FTO: variants seen among roughly 807,000 people sequenced by gnomAD.
FTO encodes alpha-ketoglutarate-dependent dioxygenase FTO.
FTO carries 47 observed loss-of-function variants against 63.9 expected under a neutral mutation model. That is an observed-to-expected ratio of 0.74 (90% CI 0.58 to 0.94). The LOEUF is 0.94. FTO is among the 40% of genes least tolerant of loss of function. The probability of loss-of-function intolerance (pLI) is 0.00; values close to 1 mark genes in which losing one functional copy is unlikely to be tolerated. For synonymous variants in FTO, 207 were observed against 224.4 expected (o/e 0.92, Z 0.69); for missense variants, 562 against 618.1 (o/e 0.91, Z 0.96).
chr16:54,103,594 G>C (rs1165858036), intron 8 of FTO, among the ~76,000 whole-genome samples: 2 of 152,170 alleles, frequency 1.3e-5, no homozygotes, highest in African/African-American at 4.8e-5. Context: ...GAATTGGTTT[G>C]GTTTAGTGGT....
chr16:53,771,514 C>T (rs935009121), intron 1 of FTO, among the ~76,000 whole-genome samples: 2 of 152,098 alleles, frequency 1.3e-5, no homozygotes, highest in Non-Finnish European at 2.9e-5. Flanking sequence ...AAAGTTTAGT[C>T]TTCAAAACAC....
At chr16:53,997,362 A>G (rs2083961821) in intron 8 of FTO, among the ~76,000 whole-genome samples, 1 of 152,116 alleles carries the variant, frequency 6.6e-6, no homozygotes, top group Non-Finnish European at 1.5e-5. Flanking sequence ...GGGAACTACA[A>G]TTCAAGATGA....
chr16:54,092,608 C>T (rs2144560090), intron 8 of FTO, among the ~76,000 whole-genome samples: 1 of 152,282 alleles, frequency 6.6e-6, no homozygotes, highest in Middle Eastern at 3.4e-3. Flanking sequence ...ACTGTACCCA[C>T]CATGGAGAAA....
At chr16:53,883,643 A>C (rs978421099) in intron 6 of FTO, among the ~76,000 whole-genome samples, 54 of 150,626 alleles carry the variant, frequency 3.6e-4, no homozygotes, top group African/African-American at 1.1e-3. Flanking sequence ...AAACAAAAAA[A>C]AAAAAACAAA....
intron 4 of FTO, among the ~76,000 whole-genome samples, chr16:53,861,212 A>G (rs961355229): frequency 5.9e-5 from 9 of 152,158 alleles, no homozygotes; most frequent in African/African-American, 2.2e-4. Flanking sequence ...TGGTGTGGAC[A>G]TTTACACAGT....
At chr16:53,798,334 CA>C (rs933256007) in intron 1 of FTO, among the ~76,000 whole-genome samples, 6 of 151,606 alleles carry the variant, frequency 4.0e-5, no homozygotes, top group Non-Finnish European at 7.4e-5. Context: ...TCAATTTTTA[CA>C]AAAAAAACCT....
chr16:54,084,499 A>T (rs1217028308), intron 8 of FTO, among the ~76,000 whole-genome samples: 1 of 152,092 alleles, frequency 6.6e-6, no homozygotes, highest in African/African-American at 2.4e-5. Context: ...GCCCCACATG[A>T]CCTTTTACAG....
At chr16:54,107,005 T>G (rs1428163306) in intron 8 of FTO, among the ~76,000 whole-genome samples, 2 of 145,704 alleles carry the variant, frequency 1.4e-5, no homozygotes, top group Non-Finnish European at 3.0e-5. Context: ...ACATTACATA[T>G]TATATATTAT....
chr16:53,816,883 C>T (rs1598737664), intron 2 of FTO, among the ~76,000 whole-genome samples: 2 of 152,326 alleles, frequency 1.3e-5, no homozygotes, highest in Admixed American at 6.5e-5. Context: ...TCGCTCTCTT[C>T]CATATTCTCA....
intron 8 of FTO, among the ~76,000 whole-genome samples, chr16:54,009,932 G>A (rs552569551): frequency 1.3e-5 from 2 of 152,274 alleles, no homozygotes; most frequent in Admixed American, 1.3e-4. Context: ...CAGCTGTAAA[G>A]TGATGTTTCC....
rs1208340051 is a variant in FTO at position 54,115,126 on chromosome 16, T to A, written c.*3211T>A. The A allele has an allele frequency of 6.6e-6, 1 of 152,136 alleles. No individual in the cohort carries two copies. Among genetic ancestry groups the A allele is most frequent in the Non-Finnish European group, 1.5e-5 (1 of 68,038 alleles). 9.4% of individuals were successfully genotyped at this position (152,136 alleles called of 1,614,324 possible). ...CCCAGAAATCGCACCCTTCTCCCCA[T>A]GTGTGCGGATAAGGGACCACTTCCA... is the stretch of plus-strand genomic sequence containing the variant. On this transcript the variant is annotated 3_prime_UTR_variant, in exon 9 of 9. Coordinates refer to ENST00000471389, the MANE Select transcript of FTO (RefSeq NM_001080432.3).
chr16:53,816,133 A>G (rs1307318364), intron 2 of FTO, among the ~76,000 whole-genome samples: 1 of 152,054 alleles, frequency 6.6e-6, no homozygotes, highest in Non-Finnish European at 1.5e-5. Context: ...TCTGGTGAGC[A>G]TCTACTCTTA....
intron 5 of FTO, among the ~76,000 whole-genome samples, chr16:53,876,201 T>C (rs1287052091): frequency 6.6e-6 from 1 of 152,204 alleles, no homozygotes; most frequent in African/African-American, 2.4e-5. Flanking sequence ...AACCAATGTT[T>C]AAAGGTTCTT....
intron 4 of FTO, among the ~76,000 whole-genome samples, chr16:53,863,255 C>T (rs1598855123): frequency 6.6e-6 from 1 of 152,154 alleles, no homozygotes; most frequent in Non-Finnish European, 1.5e-5. Context: ...CAAAGTGCCT[C>T]CATTCCTTTG....
At chr16:53,785,902 C>A (rs2077723822) in intron 1 of FTO, among the ~76,000 whole-genome samples, 1 of 140,072 alleles carries the variant, frequency 7.1e-6, no homozygotes, top group Non-Finnish European at 1.6e-5. Context: ...GAGCGAGACT[C>A]CATCTCAAAA....
At chr16:53,794,331 G>A (rs1251661495) in intron 1 of FTO, among the ~76,000 whole-genome samples, 1 of 152,172 alleles carries the variant, frequency 6.6e-6, no homozygotes, top group East Asian at 1.9e-4. Context: ...TGCATTAAAA[G>A]AATTAAAGAA....
intron 3 of FTO, among the ~76,000 whole-genome samples, chr16:53,837,639 T>C (rs1332446640): frequency 6.6e-6 from 1 of 152,186 alleles, no homozygotes; most frequent in Non-Finnish European, 1.5e-5. Flanking sequence ...AAGGAAAGCA[T>C]TTCTAAACTC....
chr16:54,110,417 G>A (rs995784518), intron 8 of FTO, among the ~76,000 whole-genome samples: 1 of 152,156 alleles, frequency 6.6e-6, no homozygotes, highest in Non-Finnish European at 1.5e-5. Context: ...GTTAACAGAC[G>A]CTATTATCAG....
At chr16:53,891,523 T>TG (rs1407355929) in intron 7 of FTO, among the ~76,000 whole-genome samples, 1 of 151,892 alleles carries the variant, frequency 6.6e-6, no homozygotes, top group Non-Finnish European at 1.5e-5. Flanking sequence ...TATCCATGTG[T>TG]GGTGGTGCAT....
Sources: allele counts gnomAD v4.1 joint callset (sites outside exome capture counted in the v4.1 genomes callset), GRCh38; gene constraint gnomAD v4.1.1; transcripts MANE v1.5; gene names NCBI Gene and HGNC (gene_info 2026-07-23, HGNC 2026-07-21).